Variants in MUSK observed in about 807,000 individuals in gnomAD.
MUSK encodes the protein muscle, skeletal receptor tyrosine-protein kinase.
Under a neutral mutation model 88.7 loss-of-function variants are expected in MUSK, and 55 were observed. The observed-to-expected ratio is 0.62, with a 90% confidence interval of 0.50 to 0.78. MUSK has a LOEUF of 0.78. MUSK is among the 30% of genes least tolerant of loss of function. The pLI is 0.00. For synonymous variants in MUSK, 387 were observed against 391.9 expected (o/e 0.99, Z 0.15); for missense variants, 1,015 against 1,074.3 (o/e 0.94, Z 0.77).
intron 5 of MUSK, among the ~76,000 whole-genome samples, chr9:110,706,614 T>G (rs2131754056): frequency 6.6e-6 from 1 of 152,276 alleles, no homozygotes; most frequent in South Asian, 2.1e-4. Context: ...GCTGGAATTT[T>G]CAGTGAGGGT....
chr9:110,739,866 T>C (rs2077075144), intron 6 of MUSK, among the ~76,000 whole-genome samples: 1 of 152,218 alleles, frequency 6.6e-6, no homozygotes. Context: ...CTCATCTAAC[T>C]GGTGGCTATT....
chr9:110,755,935 T>TATATATATATATACATATATATAAAC (rs1564268522), intron 7 of MUSK, among the ~76,000 whole-genome samples: 1 of 77,654 alleles, frequency 1.3e-5, no homozygotes, highest in Admixed American at 1.2e-4. Context: ...TATATATACA[T>TATATATATATATACATATATATAAAC]ATATATATAT....
At chr9:110,724,916 AT>A (rs1282162285) in intron 5 of MUSK, among the ~76,000 whole-genome samples, 3 of 152,126 alleles carry the variant, frequency 2.0e-5, no homozygotes, top group East Asian at 3.9e-4. Context: ...GGTCAAAAGT[AT>A]TGATGTTTAA....
At chr9:110,783,853 T>C (rs1391077391) in intron 11 of MUSK, among the ~76,000 whole-genome samples, 1 of 152,036 alleles carries the variant, frequency 6.6e-6, no homozygotes, top group Non-Finnish European at 1.5e-5. Context: ...TTTGGCTAAA[T>C]AAAATACACA....
chr9:110,674,769 T>C (rs3001135), intron 1 of MUSK, among the ~76,000 whole-genome samples: 105,867 of 151,714 alleles, frequency 0.7, 38,327 homozygotes, highest in African/African-American at 0.87. Flanking sequence ...TGTGCCACCA[T>C]GCCGGCTAAT....
At chr9:110,721,845 TACA>T (rs1176091863) in intron 5 of MUSK, among the ~76,000 whole-genome samples, 2 of 152,080 alleles carry the variant, frequency 1.3e-5, no homozygotes. Context: ...CAAACCATAC[TACA>T]ACGCCACAGA....
intron 5 of MUSK, 143 bp downstream of exon 5, chr9:110,697,609 C>T (rs1190713696): frequency 6.1e-6 from 5 of 820,790 alleles, no homozygotes; most frequent in Admixed American, 3.9e-5. Flanking sequence ...TAAGTTCAAG[C>T]GTATGATAAC....
chr9:110,683,459 T>C (rs1251265716), intron 2 of MUSK, among the ~76,000 whole-genome samples: 1 of 152,118 alleles, frequency 6.6e-6, no homozygotes, highest in Non-Finnish European at 1.5e-5. Flanking sequence ...AGATATCTCT[T>C]TGATATACTG....
Position 110,713,262 on chromosome 9 carries a change from C to CT in MUSK, c.628+15811dup, listed in dbSNP as rs67227503. 5.3e-3 allele frequency among the ~76,000 whole-genome samples: 735 copies of CT among 137,624 alleles called. 10 individuals are homozygous for CT. Among genetic ancestry groups the CT allele is most frequent in the African/African-American group, 0.012 (448 of 37,120 alleles). 90.3% of individuals were successfully genotyped at this position (137,624 alleles called of 152,430 possible). On this transcript the variant is annotated intron_variant, in intron 5 of 14. Coordinates refer to ENST00000374448, the MANE Select transcript of MUSK (RefSeq NM_005592.4). Reference sequence around the variant, plus strand: ...GGTATCTTCTCTTGGACCTTTTTTTCTTTTTTTTTTTTTTTGAGACAGAGT... The same window carrying CT: ...GGTATCTTCTCTTGGACCTTTTTTTCTTTTTTTTTTTTTTTTGAGACAGAGT...
intron 6 of MUSK, among the ~76,000 whole-genome samples, chr9:110,744,565 A>G (rs1373221618): frequency 6.6e-6 from 1 of 152,110 alleles, no homozygotes; most frequent in African/African-American, 2.4e-5. Context: ...TTCCTATCCT[A>G]CTGCCTCTTT....
intron 3 of MUSK, among the ~76,000 whole-genome samples, chr9:110,690,066 GTAAGTATAAATATATAAATATATATTATA>G (rs1564218979): frequency 2.0e-4 from 17 of 86,004 alleles, no homozygotes; most frequent in African/African-American, 9.2e-4. Flanking sequence ...TATATATTAT[GTAAGTATAAATATATAAATATATATTATA>G]TAAGTATAAA....
chr9:110,668,813 T>G lies in MUSK; in HGVS notation c.-92T>G. On this transcript the variant is annotated 5_prime_UTR_variant, in exon 1 of 15. Coordinates refer to ENST00000374448, the MANE Select transcript of MUSK (RefSeq NM_005592.4). ...AACAGTCATTAGCAGACAACCCTTTTGCAACAAAGTATGCTTTAAAATGTA... is the reference window on the plus strand; with the variant it reads ...AACAGTCATTAGCAGACAACCCTTTGGCAACAAAGTATGCTTTAAAATGTA... 1.0e-6 allele frequency: 1 copy of G among 977,386 alleles called. No individual in the cohort carries two copies. The highest frequency in any genetic ancestry group is 2.4e-5 in the East Asian group (1 of 41,710). The allele number at this position is 977,386 out of a possible 1,614,324, so 60.5% of individuals were successfully genotyped here. A position where few individuals can be genotyped will look rare whatever the true frequency, so the allele number is the denominator to read the frequency against.
chr9:110,702,242 T>C (rs1478426326), intron 5 of MUSK, among the ~76,000 whole-genome samples: 2 of 151,988 alleles, frequency 1.3e-5, no homozygotes, highest in African/African-American at 4.8e-5. Flanking sequence ...GCAAAAACCA[T>C]AAGCTCAATG....
rs2078101615 is a variant in MUSK, at chr9:110,801,830, T to A, written c.*842T>A. On this transcript the variant is annotated 3_prime_UTR_variant, in exon 15 of 15. Coordinates refer to ENST00000374448, the MANE Select transcript of MUSK (RefSeq NM_005592.4). ...TCTTTCCAGGACTTCTGTCCTTTTT[T>A]AGTTATTAAGCTATTTTTTTCTTTT... is the stretch of plus-strand genomic sequence containing the variant. 6.6e-6 allele frequency among the ~76,000 whole-genome samples: 1 copy of A among 152,242 alleles called. No individual in the cohort carries two copies. Among genetic ancestry groups the A allele is most frequent in the Non-Finnish European group, 1.5e-5 (1 of 68,052 alleles).
intron 1 of MUSK, among the ~76,000 whole-genome samples, chr9:110,671,454 A>G (rs192713068): frequency 1.2e-3 from 179 of 152,358 alleles, no homozygotes; most frequent in African/African-American, 4.0e-3. Context: ...TAGCTAATAA[A>G]TTGACATATT....
At chr9:110,741,576 A>G (rs1195599001) in intron 6 of MUSK, among the ~76,000 whole-genome samples, 1 of 152,104 alleles carries the variant, frequency 6.6e-6, no homozygotes, top group African/African-American at 2.4e-5. Flanking sequence ...AATAACAAAG[A>G]ATGTCTTATG....
chr9:110,707,252 T>G (rs1001902685), intron 5 of MUSK, among the ~76,000 whole-genome samples: 6 of 152,172 alleles, frequency 3.9e-5, no homozygotes, highest in African/African-American at 1.2e-4. Context: ...TCTTTTAAGG[T>G]GATAACATAA....
At chr9:110,692,533 T>A (rs972876080) in intron 3 of MUSK, among the ~76,000 whole-genome samples, 2 of 152,018 alleles carry the variant, frequency 1.3e-5, no homozygotes, top group Non-Finnish European at 2.9e-5. Flanking sequence ...TTTCTCTATT[T>A]TTTTTCTTTT....
chr9:110,744,536 T>C (rs767124316), intron 6 of MUSK, among the ~76,000 whole-genome samples: 12 of 152,362 alleles, frequency 7.9e-5, no homozygotes, highest in Admixed American at 2.0e-4. Context: ...CATGAATTAT[T>C]ATGCCTATTT....
Sources: gnomAD v4.1 joint callset for allele counts (sites outside exome capture counted in the v4.1 genomes callset) on GRCh38, gnomAD v4.1.1 for gene constraint, MANE v1.5 for transcripts, NCBI Gene and HGNC (gene_info 2026-07-23, HGNC 2026-07-21) for gene names.